LYRM4: variants seen among roughly 807,000 people sequenced by gnomAD.
LYRM4 encodes LYR motif-containing protein 4.
LYRM4 carries 9 observed loss-of-function variants against 11.7 expected under a neutral mutation model. That is an observed-to-expected ratio of 0.77 (90% CI 0.46 to 1.34). The LOEUF is 1.34. Among genes scored for constraint, LYRM4 ranks in the 40% most tolerant of loss-of-function variants. LYRM4 has a pLI of 0.00. For synonymous variants in LYRM4, 42 were observed against 40.4 expected (o/e 1.04, Z -0.15); for missense variants, 133 against 112.5 (o/e 1.18, Z -0.82).
intron 1 of LYRM4, among the ~76,000 whole-genome samples, chr6:5,234,922 T>A (rs1258675437): frequency 6.6e-6 from 1 of 152,070 alleles, no homozygotes; most frequent in Non-Finnish European, 1.5e-5. Flanking sequence ...GTCCCCCTAC[T>A]CCCAAACCCC....
chr6:5,213,902 T>C (rs1204838415), intron 2 of LYRM4, among the ~76,000 whole-genome samples: 4 of 152,242 alleles, frequency 2.6e-5, no homozygotes, highest in Non-Finnish European at 4.4e-5. Flanking sequence ...CATATGTTAG[T>C]GTACTTGATC....
At chr6:5,164,189 C>T (rs556427898) in intron 2 of LYRM4, among the ~76,000 whole-genome samples, 5 of 152,272 alleles carry the variant, frequency 3.3e-5, no homozygotes, top group African/African-American at 9.6e-5. Flanking sequence ...GTATTTTCTA[C>T]AGCTGGACAC....
chr6:5,144,191 T>A (rs1172786693), intron 2 of LYRM4: 1 of 1,536,862 alleles, frequency 6.5e-7, no homozygotes, highest in Non-Finnish European at 8.7e-7. Context: ...AAGGCCAACT[T>A]GTGCAGGGCT....
the LYRM4 span, chr6:5,087,595 T>C: frequency 6.6e-6 from 1 of 152,332 alleles, no homozygotes; most frequent in Non-Finnish European, 1.5e-5. Context: ...GCCCTTTTAG[T>C]CGCTGGACTG....
At chr6:5,069,321 G>T in the LYRM4 span, among the ~76,000 whole-genome samples, 1 of 151,440 alleles carries the variant, frequency 6.6e-6, no homozygotes, top group Non-Finnish European at 1.5e-5. Context: ...ATATTGTAAA[G>T]ATATTAATTT....
At chr6:5,248,764 A>G (rs1314369582) in intron 1 of LYRM4, among the ~76,000 whole-genome samples, 1 of 152,172 alleles carries the variant, frequency 6.6e-6, no homozygotes, top group Admixed American at 6.5e-5. Flanking sequence ...GTATATTGTC[A>G]CCATGCTGTT....
the LYRM4 span, chr6:5,066,324 A>G: frequency 9.7e-6 from 7 of 718,858 alleles, no homozygotes; most frequent in African/African-American, 3.5e-5. Context: ...CTATTCGTCC[A>G]AATTTATATC....
chr6:5,172,326 GC>G (rs1759477458), intron 2 of LYRM4, among the ~76,000 whole-genome samples: 1 of 152,048 alleles, frequency 6.6e-6, no homozygotes, highest in South Asian at 2.1e-4. Flanking sequence ...TTCTCAGAAG[GC>G]CCAAAAAAAG....
At chr6:5,085,617 T>TTCGGATC in the LYRM4 span, 3 of 1,547,920 alleles carry the variant, frequency 1.9e-6, no homozygotes, top group Non-Finnish European at 2.6e-6. Context: ...GCGGTGGCGC[T>TTCGGATC]TCGGAGACCC....
chr6:5,207,603 T>G (rs1322660844), intron 2 of LYRM4, among the ~76,000 whole-genome samples: 1 of 152,220 alleles, frequency 6.6e-6, no homozygotes, highest in Admixed American at 6.5e-5. Flanking sequence ...AAGTTTCCAC[T>G]TAAGGGTACT....
chr6:5,206,923 G>T (rs1302549130), intron 2 of LYRM4, among the ~76,000 whole-genome samples: 1 of 152,108 alleles, frequency 6.6e-6, no homozygotes, highest in African/African-American at 2.4e-5. Context: ...CCAGACTAGG[G>T]AAGATATACA....
At chr6:5,049,379 T>C in the LYRM4 span, among the ~76,000 whole-genome samples, 32,021 of 152,096 alleles carry the variant, frequency 0.21, 5,527 homozygotes, top group African/African-American at 0.48. Flanking sequence ...AAGCTTCTTC[T>C]CTAGGTCAAC....
the LYRM4 span, among the ~76,000 whole-genome samples, chr6:5,090,015 G>GACACACACACACACACACACACAC: frequency 7.1e-4 from 107 of 149,742 alleles, no homozygotes; most frequent in South Asian, 1.1e-3. The surrounding 1 kb of genome is among the most constrained non-coding windows in gnomAD (Gnocchi z 4.8). Context: ...CTGAAAGGAA[G>GACACACACACACACACACACACAC]ACACACACAC....
At chr6:5,203,848 T>C (rs756484032) in intron 2 of LYRM4, among the ~76,000 whole-genome samples, 6 of 152,218 alleles carry the variant, frequency 3.9e-5, no homozygotes, top group African/African-American at 1.2e-4. Context: ...CGCACACTTA[T>C]GGGGCTGAAA....
At chr6:5,046,747 G>C in the LYRM4 span, among the ~76,000 whole-genome samples, 1 of 152,182 alleles carries the variant, frequency 6.6e-6, no homozygotes, top group South Asian at 2.1e-4. Context: ...TAATGACCTA[G>C]TCTGAGATTT....
chr6:5,085,501 GC>G, the LYRM4 span: 1 of 1,536,570 alleles, frequency 6.5e-7, no homozygotes, highest in South Asian at 1.2e-5. Flanking sequence ...GCCCATAGGG[GC>G]GCGGCTAAGT....
At chr6:5,230,376 C>A (rs952600690) in intron 1 of LYRM4, among the ~76,000 whole-genome samples, 1 of 152,172 alleles carries the variant, frequency 6.6e-6, no homozygotes, top group Non-Finnish European at 1.5e-5. Flanking sequence ...ACAGTATAGT[C>A]CCCATGTATA....
rs542411654 is a variant in LYRM4 at position 5,260,908 on chromosome 6, C to A, written c.-175G>T. The A allele has an allele frequency of 5.1e-6, 7 of 1,378,472 alleles. No homozygotes were observed. In the East Asian group the frequency reaches 1.8e-4, roughly 35 times the overall value. The allele number at this position is 1,378,472 out of a possible 1,614,324, so 85.4% of individuals were successfully genotyped here. A position where few individuals can be genotyped will look rare whatever the true frequency, so the allele number is the denominator to read the frequency against. Reference sequence around the variant, plus strand: ...CAGCCCTGCGGATCGCGGACGGCGCCAGGCGTCCCGCGCCGCTTCGGGGGC... The same window carrying A: ...CAGCCCTGCGGATCGCGGACGGCGCAAGGCGTCCCGCGCCGCTTCGGGGGC... On this transcript the variant is annotated 5_prime_UTR_variant, in exon 1 of 3. Transcript: ENST00000330636.
Position 5,200,847 on chromosome 6 carries a change from C to T in LYRM4, c.207+15771G>A, listed in dbSNP as rs555555893. Reference sequence around the variant, plus strand: ...GTACAAGCACTGTAGGTGGTTCTGACGTACAGTCAGGGCTGATAACCACTG... The same window carrying T: ...GTACAAGCACTGTAGGTGGTTCTGATGTACAGTCAGGGCTGATAACCACTG... On this transcript the variant is annotated intron_variant, in intron 2 of 2. Transcript: ENST00000330636. Among the ~76,000 whole-genome samples the T allele has an allele frequency of 7.2e-4, 93 of 129,894 alleles. 2 individuals are homozygous for T. In the East Asian group the frequency reaches 0.02, roughly 28 times the overall value. The allele number at this position is 129,894 out of a possible 152,430, so 85.2% of individuals were successfully genotyped here.
Sources: allele counts gnomAD v4.1 joint callset (sites outside exome capture counted in the v4.1 genomes callset), GRCh38; gene constraint gnomAD v4.1.1; non-coding constraint Gnocchi (gnomAD v3.1); transcripts MANE v1.5; gene names NCBI Gene and HGNC (gene_info 2026-07-23, HGNC 2026-07-21).